KIF13A: variants seen among roughly 807,000 people sequenced by gnomAD.
KIF13A encodes the protein kinesin family member 13A.
Under a neutral mutation model 212.2 loss-of-function variants are expected in KIF13A, and 79 were observed. That is an observed-to-expected ratio of 0.37 (90% CI 0.31 to 0.45). The LOEUF is 0.45. KIF13A is among the 20% of genes least tolerant of loss of function. The pLI is 1.00. For synonymous variants in KIF13A, 789 were observed against 808.6 expected (o/e 0.98, Z 0.41); for missense variants, 1,901 against 2,209.0 (o/e 0.86, Z 2.79).
chr6:17,972,335 A>C (rs1296139239), intron 2 of KIF13A, among the ~76,000 whole-genome samples: 2 of 152,226 alleles, frequency 1.3e-5, no homozygotes, highest in African/African-American at 4.8e-5. Flanking sequence ...TAACTGTATG[A>C]ATAGAAGTAG....
chr6:17,976,283 C>G (rs1049020932), intron 2 of KIF13A, among the ~76,000 whole-genome samples: 1 of 152,202 alleles, frequency 6.6e-6, no homozygotes, highest in Non-Finnish European at 1.5e-5. Context: ...GCCCACGGAG[C>G]GGGTGGGAGG....
At position 17,811,252 on chromosome 6, in the gene KIF13A, G is replaced by A. The variant is rs1275807504; in HGVS notation, c.2001-2322C>T. Among the ~76,000 whole-genome samples, 1 of 152,118 alleles carries A rather than the reference G, an allele frequency of 6.6e-6. No individual in the cohort carries two copies. Among genetic ancestry groups the A allele is most frequent in the Non-Finnish European group, 1.5e-5 (1 of 68,024 alleles). ...TTACTGTGCAGTCTGTCCACTTAGC[G>A]ATTACATGCTTTTCACTTCAATACA... On this transcript the variant is annotated intron_variant, in intron 17 of 38. Transcript: ENST00000259711. This position sits in a 1 kb window ranked among gnomAD's most constrained non-coding sequence, Gnocchi z 6.0.
intron 2 of KIF13A, among the ~76,000 whole-genome samples, chr6:17,986,523 C>T (rs1412383648): frequency 6.6e-6 from 1 of 152,234 alleles, no homozygotes; most frequent in South Asian, 2.1e-4. Flanking sequence ...TCAGCAACAA[C>T]AACTAAAATA....
At chr6:17,942,195 G>A (rs1343104440) in intron 2 of KIF13A, among the ~76,000 whole-genome samples, 4 of 152,022 alleles carry the variant, frequency 2.6e-5, no homozygotes, top group South Asian at 4.2e-4. Context: ...CCAGCTACTC[G>A]GGAGGCTGAG....
At chr6:17,857,905 G>GT (rs1768291210) in intron 4 of KIF13A, among the ~76,000 whole-genome samples, 2 of 152,136 alleles carry the variant, frequency 1.3e-5, no homozygotes, top group South Asian at 4.1e-4. Flanking sequence ...AAGTATGAAA[G>GT]TAAGTAAAGT....
chr6:17,773,307 TAAATC>T lies in KIF13A; in HGVS notation c.4324+166_4324+170del, dbSNP rs973788900. On this transcript the variant is annotated intron_variant, in intron 36 of 38. Transcript: ENST00000259711. This position sits in a 1 kb window ranked among gnomAD's most constrained non-coding sequence, Gnocchi z 4.2. ...TGATATGTTGGATACAAAACAAAAA[TAAATC>T]AAATAAGTGAATGTTATATGTTACA... Among the ~76,000 whole-genome samples the T allele has an allele frequency of 3.3e-5, 5 of 152,154 alleles. No homozygotes were observed. Among genetic ancestry groups the T allele is most frequent in the Non-Finnish European group, 5.9e-5 (4 of 68,016 alleles).
intron 2 of KIF13A, among the ~76,000 whole-genome samples, chr6:17,973,539 C>T (rs1780006412): frequency 6.6e-6 from 1 of 152,144 alleles, no homozygotes. Flanking sequence ...TGTATTTCAG[C>T]TCCTATAAAT....
At position 17,811,847 on chromosome 6, in the gene KIF13A, TTC is replaced by T. The variant is rs151222298; in HGVS notation, c.2001-2919_2001-2918del. ...TCTCCCTCCCTTTTTCTTTCTTTCC[TTC>T]TCTCTCTCTCTTTTTCTTGGAGATA... On this transcript the variant is annotated intron_variant, in intron 17 of 38. Transcript: ENST00000259711. The surrounding 1 kb of genome is among the most constrained non-coding windows in gnomAD (Gnocchi z 6.0). Among the ~76,000 whole-genome samples, 2 of 151,120 alleles carry T rather than the reference TTC, an allele frequency of 1.3e-5. No homozygotes were observed. Among genetic ancestry groups the T allele is most frequent in the South Asian group, 2.1e-4 (1 of 4,756 alleles).
intron 3 of KIF13A, among the ~76,000 whole-genome samples, chr6:17,878,093 TC>T: frequency 6.6e-6 from 1 of 152,214 alleles, no homozygotes; most frequent in Non-Finnish European, 1.5e-5. Flanking sequence ...CTTATGAAGC[TC>T]CCAGTGAGGT....
rs139035969 is a variant in KIF13A, at chr6:17,968,328, T to C, written c.146+18726A>G. 4.1e-4 allele frequency among the ~76,000 whole-genome samples: 62 copies of C among 152,306 alleles called. No individual in the cohort carries two copies. The highest frequency in any genetic ancestry group is 1.4e-3 in the African/African-American group (59 of 41,570). ...GCTGGAGGAAGAGGCCCTGGCAATC[T>C]ACCAGTACCTCTCCTTTCTCTCAAT... On this transcript the variant is annotated intron_variant, in intron 2 of 38. Coordinates refer to ENST00000259711, the MANE Select transcript of KIF13A (RefSeq NM_022113.6). The surrounding 1 kb of genome is among the most constrained non-coding windows in gnomAD (Gnocchi z 4.7).
chr6:17,862,992 A>C (rs1768979354), intron 4 of KIF13A, among the ~76,000 whole-genome samples: 1 of 152,016 alleles, frequency 6.6e-6, no homozygotes, highest in Non-Finnish European at 1.5e-5. Context: ...AAAATTAGCC[A>C]GGCATGGTGG....
rs776543375 is a variant in KIF13A at position 17,856,056 on chromosome 6, G to A, written c.287C>T (p.Ala96Val). The stretch of plus-strand genomic sequence containing the variant: ...TGTCTGTCCATATGCAAAAATACAC[G>A]CATTATACCCCTGAAAGGCTTTTTC... The part of the protein sequence containing the change: ...ILEKAFQGYN[A>V]CIFAYGQTGS... Residue 96 changes from alanine (A) to valine (V), a missense_variant, in exon 5 of 39, where the codon GCG (alanine) becomes GTG (valine). By Grantham distance (64) the Ala-to-Val change is moderately conservative. Around this residue, in one of 5 missense-constraint regions of KIF13A, gnomAD observed 506 missense variants for 637.4 expected, o/e 0.79. Transcript: ENST00000259711. The surrounding 1 kb of genome is among the most constrained non-coding windows in gnomAD (Gnocchi z 4.5). The A allele has an allele frequency of 6.2e-6, 10 of 1,612,768 alleles. No individual in the cohort carries two copies. The highest frequency in any genetic ancestry group is 2.7e-5 in the African/African-American group (2 of 74,824).
At chr6:17,938,105 G>A (rs1776640199) in intron 2 of KIF13A, among the ~76,000 whole-genome samples, 2 of 151,986 alleles carry the variant, frequency 1.3e-5, no homozygotes, top group Admixed American at 1.3e-4. Flanking sequence ...ATGTTGCCAA[G>A]GCTGGTCTTG....
In KIF13A at chr6:17,855,341, G is replaced by T; in HGVS notation, c.494+96C>A. ...GAATGAAAACCAGTGTAGTCACCAA[G>T]AGCTTAAATACGTATATTCACTTCC... is the stretch of plus-strand genomic sequence containing the variant. On this transcript the variant is annotated intron_variant, in intron 6 of 38. Coordinates refer to ENST00000259711, the MANE Select transcript of KIF13A (RefSeq NM_022113.6). The surrounding 1 kb of genome is among the most constrained non-coding windows in gnomAD (Gnocchi z 4.1). 1 of 926,568 alleles carries T rather than the reference G, an allele frequency of 1.1e-6. No homozygotes were observed. The highest frequency in any genetic ancestry group is 1.6e-6 in the Non-Finnish European group (1 of 618,414). 57.4% of individuals were successfully genotyped at this position (926,568 alleles called of 1,614,324 possible).
rs1294668343 is a variant in KIF13A at position 17,816,601 on chromosome 6, A to T, written c.2000+419T>A. Among the ~76,000 whole-genome samples, 1 of 152,208 alleles carries T rather than the reference A, an allele frequency of 6.6e-6. No homozygotes were observed. The highest frequency in any genetic ancestry group is 2.4e-5 in the African/African-American group (1 of 41,452). On this transcript the variant is annotated intron_variant, in intron 17 of 38. Transcript: ENST00000259711. The surrounding 1 kb of genome is among the most constrained non-coding windows in gnomAD (Gnocchi z 4.3). Reference sequence around the variant, plus strand: ...CCCAAGTGCTAGGATTACAGGTGTGAGCCACTGCACCCAGCTATAAATCTT... The same window carrying T: ...CCCAAGTGCTAGGATTACAGGTGTGTGCCACTGCACCCAGCTATAAATCTT...
At chr6:17,762,157 A>G (rs946170557), downstream of KIF13A, among the ~76,000 whole-genome samples, 1 of 151,958 alleles carries the variant, frequency 6.6e-6, no homozygotes, top group Non-Finnish European at 1.5e-5. Context: ...TTCCCGCCTC[A>G]GCCTCCAGAA....
intron 2 of KIF13A, among the ~76,000 whole-genome samples, chr6:17,940,048 TAAA>T (rs56365666): frequency 8.2e-6 from 1 of 121,862 alleles, no homozygotes; most frequent in African/African-American, 3.1e-5. Flanking sequence ...TCTCATAAAT[TAAA>T]AAAAAAAAAA....
intron 33 of KIF13A, 46 bp downstream of exon 33, chr6:17,778,901 T>G (rs1760231362): frequency 6.5e-7 from 1 of 1,548,500 alleles, no homozygotes; most frequent in Non-Finnish European, 8.7e-7. Flanking sequence ...CCATTGGGGG[T>G]GAAGGCTGGT....
chr6:17,778,720 A>G (rs1023646798), intron 33 of KIF13A, among the ~76,000 whole-genome samples: 2 of 152,206 alleles, frequency 1.3e-5, no homozygotes, highest in Non-Finnish European at 2.9e-5. Context: ...ATGAAATAAT[A>G]TACCTAAATT....
Sources: allele counts gnomAD v4.1 joint callset (sites outside exome capture counted in the v4.1 genomes callset), GRCh38; gene constraint gnomAD v4.1.1; regional missense constraint gnomAD v4.1.1; non-coding constraint Gnocchi (gnomAD v3.1); transcripts MANE v1.5; gene names NCBI Gene and HGNC (gene_info 2026-07-23, HGNC 2026-07-21).